Variants in GRIA2 observed in about 807,000 individuals in gnomAD.
GRIA2 encodes the protein glutamate receptor 2.
A neutral mutation model predicts 97.3 loss-of-function variants in GRIA2; 14 were observed. That is an observed-to-expected ratio of 0.14 (90% CI 0.10 to 0.23). The LOEUF (loss-of-function observed/expected upper bound fraction) is 0.23, where lower values mean the gene tolerates loss of function less well. GRIA2 is among the 10% of genes least tolerant of loss of function. The pLI, the probability that GRIA2 is intolerant of heterozygous loss-of-function variation, is 1.00. For missense variants in GRIA2, 558 were observed against 1,069.8 expected (o/e 0.52, Z 6.67); for synonymous variants, 412 against 387.8 (o/e 1.06, Z -0.73).
chr4:157,256,252 T>C (rs1196983695), intron 2 of GRIA2, among the ~76,000 whole-genome samples: 1 of 100,358 alleles, frequency 1.0e-5, no homozygotes, highest in Non-Finnish European at 2.0e-5. Context: ...ATATAATATA[T>C]AAATTATATA....
chr4:157,261,647 G>C, intron 2 of GRIA2, among the ~76,000 whole-genome samples: 1 of 152,088 alleles, frequency 6.6e-6, no homozygotes, highest in East Asian at 1.9e-4. Flanking sequence ...AATTAGATTA[G>C]CTAAATTATT....
In GRIA2 at chr4:157,312,764, T is replaced by C. The variant is rs1356253177; in HGVS notation, c.555T>C (p.Asn185=). The change falls in exon 4 of 16, where the codon AAT becomes AAC. Residue 185 remains asparagine, a synonymous_variant. Coordinates refer to ENST00000264426, the MANE Select transcript of GRIA2 (RefSeq NM_001083619.3). ...CTATCAATGTGGGAAACATTAACAA[T>C]GACAAGAAAGATGAGATGTACCGAT... ...VTAINVGNIN[N]DKKDEMYRSL... 2 of 1,609,898 alleles carry C rather than the reference T, an allele frequency of 1.2e-6. No individual in the cohort carries two copies. The highest frequency in any genetic ancestry group is 1.1e-5 in the South Asian group (1 of 90,924).
intron 4 of GRIA2, among the ~76,000 whole-genome samples, chr4:157,316,711 C>G (rs1420581851): frequency 2.0e-5 from 3 of 152,144 alleles, no homozygotes; most frequent in Non-Finnish European, 4.4e-5. Context: ...GATCATTGGA[C>G]TTTGGAAAGC....
At chr4:157,261,375 A>G (rs538588249) in intron 2 of GRIA2, among the ~76,000 whole-genome samples, 1 of 152,264 alleles carries the variant, frequency 6.6e-6, no homozygotes, top group Admixed American at 6.5e-5. Context: ...TTTGGTCTCT[A>G]TAATATTTGT....
chr4:157,283,903 G>C (rs943631770), intron 2 of GRIA2, among the ~76,000 whole-genome samples: 25 of 151,888 alleles, frequency 1.6e-4, no homozygotes, highest in African/African-American at 6.0e-4. Context: ...CAAAGGTAAA[G>C]GTTTAGAGTT....
intron 2 of GRIA2, among the ~76,000 whole-genome samples, chr4:157,236,985 T>A (rs1194197308): frequency 6.6e-6 from 1 of 152,172 alleles, no homozygotes; most frequent in African/African-American, 2.4e-5. Context: ...ATGATTTTTA[T>A]GAATACACAT....
chr4:157,237,843 G>T (rs2126709039), intron 2 of GRIA2, among the ~76,000 whole-genome samples: 1 of 152,018 alleles, frequency 6.6e-6, no homozygotes, highest in East Asian at 1.9e-4. Context: ...ATGTTTTTTT[G>T]GCTTGTGTCA....
intron 2 of GRIA2, among the ~76,000 whole-genome samples, chr4:157,254,294 C>A (rs1474650080): frequency 4.0e-5 from 6 of 151,824 alleles, no homozygotes; most frequent in Admixed American, 3.9e-4. Context: ...AAGTCTAGGC[C>A]TAAACAGAGG....
At chr4:157,223,711 T>C (rs1223736025) in intron 2 of GRIA2, among the ~76,000 whole-genome samples, 1 of 152,186 alleles carries the variant, frequency 6.6e-6, no homozygotes, top group Non-Finnish European at 1.5e-5. Context: ...AGGAAGGACA[T>C]AGGTTTTGAA....
At chr4:157,237,974 T>G (rs1161946288) in intron 2 of GRIA2, among the ~76,000 whole-genome samples, 1 of 152,132 alleles carries the variant, frequency 6.6e-6, no homozygotes, top group Non-Finnish European at 1.5e-5. Context: ...GTTAATTCAG[T>G]GTAACAATCC....
chr4:157,285,263 T>C (rs2126822643), intron 2 of GRIA2, among the ~76,000 whole-genome samples: 1 of 151,726 alleles, frequency 6.6e-6, no homozygotes, highest in Non-Finnish European at 1.5e-5. Flanking sequence ...GTTGTCTGTT[T>C]TTTACGTACT....
chr4:157,313,393 T>C lies in GRIA2; in HGVS notation c.666+518T>C, dbSNP rs35652595. Reference sequence around the variant, plus strand: ...TATAAAAAACATTGATTTGTGAAATTAAAATATGTAGGAAGGACACATTTG... The same window carrying C: ...TATAAAAAACATTGATTTGTGAAATCAAAATATGTAGGAAGGACACATTTG... On this transcript the variant is annotated intron_variant, in intron 4 of 15. Coordinates refer to ENST00000264426, the MANE Select transcript of GRIA2 (RefSeq NM_001083619.3). Among the ~76,000 whole-genome samples the C allele has an allele frequency of 8.4e-3, 1,273 of 152,234 alleles. 14 individuals carry two copies. The highest frequency in any genetic ancestry group is 0.029 in the African/African-American group (1,215 of 41,538).
chr4:157,251,432 G>A (rs961155468), intron 2 of GRIA2, among the ~76,000 whole-genome samples: 2 of 152,062 alleles, frequency 1.3e-5, no homozygotes, highest in South Asian at 2.1e-4. Context: ...TTTAGATGTC[G>A]TTCAGCCCAT....
At chr4:157,268,104 A>G (rs991761940) in intron 2 of GRIA2, among the ~76,000 whole-genome samples, 2 of 152,116 alleles carry the variant, frequency 1.3e-5, no homozygotes, top group Admixed American at 6.6e-5. Flanking sequence ...GAGGTGGGGC[A>G]TAGAAAAATA....
At chr4:157,271,670 T>A (rs1317803135) in intron 2 of GRIA2, among the ~76,000 whole-genome samples, 1 of 152,092 alleles carries the variant, frequency 6.6e-6, no homozygotes, top group African/African-American at 2.4e-5. Flanking sequence ...TGGTCATTGG[T>A]GATCGACTTA....
intron 4 of GRIA2, among the ~76,000 whole-genome samples, chr4:157,316,265 A>G (rs1249974947): frequency 6.6e-6 from 1 of 152,138 alleles, no homozygotes; most frequent in Non-Finnish European, 1.5e-5. Flanking sequence ...TTTCTTCAGA[A>G]TTCTCCCCTT....
intron 12 of GRIA2, among the ~76,000 whole-genome samples, chr4:157,353,750 T>C (rs1579387071): frequency 6.6e-6 from 1 of 152,192 alleles, no homozygotes; most frequent in African/African-American, 2.4e-5. Flanking sequence ...ATAAATACCA[T>C]TTACATTTTT....
At chr4:157,329,850 C>T (rs1579368692) in intron 6 of GRIA2, among the ~76,000 whole-genome samples, 1 of 151,884 alleles carries the variant, frequency 6.6e-6, no homozygotes, top group East Asian at 1.9e-4. Flanking sequence ...CAAGACTTTT[C>T]CTTGCAAAAT....
In GRIA2 at chr4:157,276,038, A is replaced by C. The variant is rs186630052; in HGVS notation, c.230-27514A>C. Among the ~76,000 whole-genome samples the C allele has an allele frequency of 3.9e-3, 592 of 152,012 alleles. 14 individuals carry two copies. Among genetic ancestry groups the C allele is most frequent in the Admixed American group, 0.033 (503 of 15,218 alleles). Reference sequence around the variant, plus strand: ...ATTTGTTTGTATCCTCTTTTATTTCATTGAGCAGTGGTTTGTAGTTCTCCT... The same window carrying C: ...ATTTGTTTGTATCCTCTTTTATTTCCTTGAGCAGTGGTTTGTAGTTCTCCT... On this transcript the variant is annotated intron_variant, in intron 2 of 15. Coordinates refer to ENST00000264426, the MANE Select transcript of GRIA2 (RefSeq NM_001083619.3).
Sources: gnomAD v4.1 joint callset for allele counts (sites outside exome capture counted in the v4.1 genomes callset) on GRCh38, gnomAD v4.1.1 for gene constraint, MANE v1.5 for transcripts, NCBI Gene and HGNC (gene_info 2026-07-23, HGNC 2026-07-21) for gene names.